RIMS1: variants seen among roughly 807,000 people sequenced by gnomAD.
The protein encoded by RIMS1 is regulating synaptic membrane exocytosis protein 1.
Under a neutral mutation model 214.1 loss-of-function variants are expected in RIMS1, and 83 were observed. The ratio of observed to expected loss-of-function variants is 0.39; its 90% CI spans 0.32 to 0.47. The LOEUF is 0.47. RIMS1 is among the 20% of genes least tolerant of loss of function. RIMS1 has a pLI of 0.99. For synonymous variants in RIMS1, 793 were observed against 786.8 expected, an observed-to-expected ratio of 1.01 and a Z score of -0.13; for missense variants, 2,050 against 2,161.8, an observed-to-expected ratio of 0.95 and a Z score of 1.03.
intron 4 of RIMS1, among the ~76,000 whole-genome samples, chr6:72,117,770 C>A (rs2037376549): frequency 6.6e-6 from 1 of 151,796 alleles, no homozygotes; most frequent in South Asian, 2.1e-4. Flanking sequence ...TGGGATACGG[C>A]AAAAGCAATG....
At chr6:72,027,970 G>A (rs537016410) in intron 2 of RIMS1, among the ~76,000 whole-genome samples, 1 of 151,914 alleles carries the variant, frequency 6.6e-6, no homozygotes, top group Non-Finnish European at 1.5e-5. Context: ...ATTTGTTTTT[G>A]CTCAGTAAGA....
chr6:71,948,043 T>C (rs1337139599), intron 1 of RIMS1, among the ~76,000 whole-genome samples: 1 of 152,156 alleles, frequency 6.6e-6, no homozygotes, highest in African/African-American at 2.4e-5. Flanking sequence ...GATAAATGAA[T>C]GTGTTCAAGA....
chr6:72,022,524 A>G (rs913132464), intron 2 of RIMS1, among the ~76,000 whole-genome samples: 3 of 152,174 alleles, frequency 2.0e-5, no homozygotes, highest in African/African-American at 7.2e-5. Context: ...TCAATACCTT[A>G]GTGTATGGTT....
intron 1 of RIMS1, among the ~76,000 whole-genome samples, chr6:71,936,688 G>A (rs9341357): frequency 0.69 from 104,524 of 152,096 alleles, 36,728 homozygotes; most frequent in East Asian, 0.99. Context: ...TAGATGAGAG[G>A]AGTCTTAGAA....
intron 1 of RIMS1, among the ~76,000 whole-genome samples, chr6:71,930,983 A>G (rs1332464558): frequency 6.6e-6 from 1 of 152,046 alleles, no homozygotes; most frequent in Non-Finnish European, 1.5e-5. Context: ...AAATCCTGAT[A>G]TAACTAAATG....
At chr6:72,082,525 T>C (rs1213062818) in intron 2 of RIMS1, among the ~76,000 whole-genome samples, 1 of 152,182 alleles carries the variant, frequency 6.6e-6, no homozygotes, top group African/African-American at 2.4e-5. Flanking sequence ...AAGAAAGTTT[T>C]GAACCCAGGA....
chr6:71,892,636 C>T (rs781260779), intron 1 of RIMS1, among the ~76,000 whole-genome samples: 2 of 152,080 alleles, frequency 1.3e-5, no homozygotes, highest in Non-Finnish European at 2.9e-5. Flanking sequence ...CACCATTCCA[C>T]CTAACCATGA....
intron 1 of RIMS1, among the ~76,000 whole-genome samples, chr6:71,904,328 T>C (rs185304707): frequency 3.5e-4 from 53 of 152,236 alleles, no homozygotes; most frequent in South Asian, 1.0e-3. Flanking sequence ...GGAAGGGAAG[T>C]CAACAGATTG....
Position 72,265,403 on chromosome 6 carries a change from G to A in RIMS1, c.3208G>A (p.Ala1070Thr), listed in dbSNP as rs757316065. 8.8e-6 allele frequency: 14 copies of A among 1,589,592 alleles called. No homozygotes were observed. In the Middle Eastern group the frequency reaches 5.0e-4, roughly 57 times the overall value. The change falls in exon 21 of 34, where the codon GCA (alanine) becomes ACA (threonine). Residue 1070 changes from alanine (A) to threonine (T), a missense_variant. By Grantham distance (58) the Ala-to-Thr change is moderately conservative (BLOSUM62 0). Coordinates refer to ENST00000521978, the MANE Select transcript of RIMS1 (RefSeq NM_014989.7). ...HWNIYSSILP[A>T]HTKTKSVTRQ... ...TAATTTGTGGAGCTCAATTCTGCCT[G>A]CACATACTAAGACCAAATCAGTGAC...
chr6:72,387,696 G>A (rs1291603111), intron 29 of RIMS1, among the ~76,000 whole-genome samples: 1 of 152,226 alleles, frequency 6.6e-6, no homozygotes, highest in South Asian at 2.1e-4. Context: ...CCATAGGTAG[G>A]TAAGTGGGAA....
chr6:71,910,316 G>GT (rs1394392475), intron 1 of RIMS1, among the ~76,000 whole-genome samples: 1 of 152,118 alleles, frequency 6.6e-6, no homozygotes, highest in Non-Finnish European at 1.5e-5. Context: ...AGGTTTCAGT[G>GT]TATTTGTCTG....
rs78497936 is a variant in RIMS1, at chr6:72,082,449, G to A, written c.246-14500G>A. ...GGCATTATTATCCTCCTTTTACAGA[G>A]GAAGAGGTGGAGTCTTTGCATGTTA... On this transcript the variant is annotated intron_variant, in intron 2 of 33. Transcript: ENST00000521978. Among the ~76,000 whole-genome samples the A allele has an allele frequency of 5.5e-3, 839 of 152,216 alleles. 7 individuals carry two copies. The highest frequency in any genetic ancestry group is 0.02 in the African/African-American group (814 of 41,512).
At chr6:72,257,661 G>A (rs1283947378) in intron 16 of RIMS1, among the ~76,000 whole-genome samples, 1 of 151,986 alleles carries the variant, frequency 6.6e-6, no homozygotes, top group East Asian at 1.9e-4. Context: ...TTATTAAAGA[G>A]GCCACCTGCA....
chr6:71,904,160 G>A (rs1322524689), intron 1 of RIMS1, among the ~76,000 whole-genome samples: 2 of 152,140 alleles, frequency 1.3e-5, no homozygotes, highest in East Asian at 3.9e-4. Context: ...GTGTGATAGG[G>A]AAAGCTCTGA....
chr6:71,904,826 A>C (rs1454084850), intron 1 of RIMS1, among the ~76,000 whole-genome samples: 2 of 152,160 alleles, frequency 1.3e-5, no homozygotes, highest in African/African-American at 2.4e-5. Context: ...CTTAAATTAC[A>C]AGTCTATCTA....
At chr6:72,148,501 G>GAGGGTAGGATT (rs746053436) in intron 4 of RIMS1, 37 of 434,338 alleles carry the variant, frequency 8.5e-5, no homozygotes, top group Non-Finnish European at 1.6e-4. Context: ...GGAAGGCCTA[G>GAGGGTAGGATT]AGGGTAGGAT....
intron 6 of RIMS1, among the ~76,000 whole-genome samples, chr6:72,200,850 G>A (rs1304577623): frequency 1.6e-5 from 2 of 124,294 alleles, no homozygotes; most frequent in South Asian, 3.0e-4. Context: ...AGATTGAAAG[G>A]ACACAATTGT....
chr6:72,116,788 C>T (rs1225676746), intron 4 of RIMS1, among the ~76,000 whole-genome samples: 1 of 151,896 alleles, frequency 6.6e-6, no homozygotes, highest in Non-Finnish European at 1.5e-5. Context: ...TTTCTTCTCT[C>T]ACCATTAAAA....
At chr6:72,289,755 G>C (rs1228874097) in intron 24 of RIMS1, among the ~76,000 whole-genome samples, 1 of 151,932 alleles carries the variant, frequency 6.6e-6, no homozygotes, top group Non-Finnish European at 1.5e-5. Flanking sequence ...CACATTTTTA[G>C]TCACTAAGTG....
Sources: allele counts gnomAD v4.1 joint callset (sites outside exome capture counted in the v4.1 genomes callset), GRCh38; gene constraint gnomAD v4.1.1; transcripts MANE v1.5; gene names NCBI Gene and HGNC (gene_info 2026-07-23, HGNC 2026-07-21).